The following PRKAR1B variants were observed in gnomAD, a reference collection of about 807,000 sequenced individuals.
PRKAR1B encodes the protein protein kinase cAMP-dependent type I regulatory subunit beta, also known as cAMP-dependent protein kinase type I-beta regulatory subunit.
A neutral mutation model predicts 46.5 loss-of-function variants in PRKAR1B; 22 were observed. That is an observed-to-expected ratio of 0.47 (90% CI 0.34 to 0.68). The LOEUF (loss-of-function observed/expected upper bound fraction) is 0.68, where lower values mean the gene tolerates loss of function less well. Among genes scored for constraint, PRKAR1B ranks in the 30% least tolerant of loss-of-function variants. The pLI, the probability that PRKAR1B is intolerant of heterozygous loss-of-function variation, is 0.01. For missense variants in PRKAR1B, 445 were observed against 535.6 expected (o/e 0.83, Z 1.67); for synonymous variants, 259 against 217.7 (o/e 1.19, Z -1.67).
At chr7:580,096 T>C (rs1040355844) in intron 8 of PRKAR1B, among the ~76,000 whole-genome samples, 2 of 151,524 alleles carry the variant, frequency 1.3e-5, no homozygotes, top group Non-Finnish European at 2.9e-5. Flanking sequence ...CCAGGCGTGG[T>C]GGTGTACACC....
chr7:569,613 T>C (rs916265699), intron 9 of PRKAR1B, among the ~76,000 whole-genome samples: 1 of 152,082 alleles, frequency 6.6e-6, no homozygotes, highest in African/African-American at 2.4e-5. Context: ...ACAAGAGGGA[T>C]GTGGGTCAGA....
At chr7:688,854 G>A (rs1779250816) in intron 2 of PRKAR1B, among the ~76,000 whole-genome samples, 1 of 152,192 alleles carries the variant, frequency 6.6e-6, no homozygotes, top group East Asian at 1.9e-4. Flanking sequence ...AATACTGCCT[G>A]GGCTTGATTC....
intron 4 of PRKAR1B, among the ~76,000 whole-genome samples, chr7:672,490 T>A (rs986538299): frequency 4.0e-5 from 6 of 151,646 alleles, no homozygotes; most frequent in African/African-American, 1.5e-4. Context: ...AAAGCTGTGC[T>A]CCACCCACCG....
At chr7:585,670 A>G (rs1780554732) in intron 7 of PRKAR1B, among the ~76,000 whole-genome samples, 1 of 152,096 alleles carries the variant, frequency 6.6e-6, no homozygotes, top group Admixed American at 6.5e-5. Flanking sequence ...TCTTGGACAC[A>G]CTGACCCACA....
chr7:673,678 TCA>T (rs1407684524), intron 4 of PRKAR1B, among the ~76,000 whole-genome samples: 1 of 152,038 alleles, frequency 6.6e-6, no homozygotes, highest in Non-Finnish European at 1.5e-5. Flanking sequence ...CTTCAGCTCT[TCA>T]GTATCTGACT....
At chr7:580,708 A>C (rs997727357) in intron 8 of PRKAR1B, among the ~76,000 whole-genome samples, 24 of 151,568 alleles carry the variant, frequency 1.6e-4, no homozygotes, top group African/African-American at 4.6e-4. Context: ...TTTTATAAGA[A>C]AATAATGATC....
intron 7 of PRKAR1B, among the ~76,000 whole-genome samples, chr7:587,988 G>T (rs13229710): frequency 0.56 from 84,794 of 151,946 alleles, 24,503 homozygotes; most frequent in East Asian, 0.84. Flanking sequence ...AGGCCGGGTT[G>T]TTTCCACAGT....
At chr7:711,189 G>A in intron 2 of PRKAR1B, 140 bp downstream of exon 2, 1 of 1,215,856 alleles carries the variant, frequency 8.2e-7, no homozygotes, top group Admixed American at 2.4e-5. Flanking sequence ...CCGCGCTTCT[G>A]GAAGGACCTG....
chr7:618,828 T>C (rs1263711897), intron 4 of PRKAR1B, among the ~76,000 whole-genome samples: 3 of 152,228 alleles, frequency 2.0e-5, no homozygotes, highest in Non-Finnish European at 4.4e-5. Context: ...CGGGTTTAGA[T>C]ATTGCAACTA....
At chr7:631,682 G>A (rs867956815) in intron 4 of PRKAR1B, among the ~76,000 whole-genome samples, 8 of 152,140 alleles carry the variant, frequency 5.3e-5, no homozygotes, top group Admixed American at 2.0e-4. Flanking sequence ...TGCCAGACGC[G>A]GTGCCTCATG....
chr7:560,166 T>C lies in PRKAR1B; in HGVS notation c.892-8696A>G, dbSNP rs989686148. On this transcript the variant is annotated intron_variant, in intron 9 of 10. Transcript: ENST00000537384. The surrounding 1 kb of genome is among the most constrained non-coding windows in gnomAD (Gnocchi z 4.2). The stretch of plus-strand genomic sequence containing the variant: ...ATCATGGCATGGGGTGACGGTTTTA[T>C]AAGGGGCTTTCCCCGCTTTGTTCAG... Among the ~76,000 whole-genome samples, 1 of 152,248 alleles carries C rather than the reference T, an allele frequency of 6.6e-6. No individual in the cohort carries two copies. The highest frequency in any genetic ancestry group is 2.4e-5 in the African/African-American group (1 of 41,546).
chr7:670,352 A>T (rs1188694414), intron 4 of PRKAR1B, among the ~76,000 whole-genome samples: 1 of 152,196 alleles, frequency 6.6e-6, no homozygotes, highest in African/African-American at 2.4e-5. Context: ...TCCATGGCCC[A>T]TGCTCACCTG....
At chr7:649,799 G>A (rs1045012351) in intron 4 of PRKAR1B, among the ~76,000 whole-genome samples, 1 of 151,666 alleles carries the variant, frequency 6.6e-6, no homozygotes, top group African/African-American at 2.4e-5. Flanking sequence ...GTCCTGGACT[G>A]AAGCGATCCC....
chr7:644,975 C>T lies in PRKAR1B; in HGVS notation c.440+32254G>A, dbSNP rs893708507. Among the ~76,000 whole-genome samples, 2 of 152,202 alleles carry T rather than the reference C, an allele frequency of 1.3e-5. No homozygotes were observed. The highest frequency in any genetic ancestry group is 4.8e-5 in the African/African-American group (2 of 41,450). On this transcript the variant is annotated intron_variant, in intron 4 of 10. Coordinates refer to ENST00000537384, the MANE Select transcript of PRKAR1B (RefSeq NM_001164760.2). The surrounding 1 kb of genome is among the most constrained non-coding windows in gnomAD (Gnocchi z 4.9). ...GACAAGCCTCTTCTCCGCAATGAGC[C>T]GTCTCTTCAGCCTCTATAAATAAGG...
chr7:550,706 G>C (rs934178404), intron 10 of PRKAR1B, 104 bp from the exon 11 acceptor site: 3 of 927,608 alleles, frequency 3.2e-6, no homozygotes, highest in Admixed American at 3.1e-5. Flanking sequence ...TTTAAGGATA[G>C]GATGTGCCAG....
chr7:634,212 G>A (rs896628829), intron 4 of PRKAR1B, among the ~76,000 whole-genome samples: 2 of 151,900 alleles, frequency 1.3e-5, no homozygotes, highest in Non-Finnish European at 2.9e-5. Flanking sequence ...TAGTAGAGAC[G>A]GGGTTTCAAA....
rs375097586 is a variant in PRKAR1B, at chr7:596,132, G to T, written c.708+14C>A. Reference sequence around the variant, plus strand: ...GTGGGTGTTGGCCTTCTCTGTGCTTGGGCACCAACTCACCATAAGGATGCG... The same window carrying T: ...GTGGGTGTTGGCCTTCTCTGTGCTTTGGCACCAACTCACCATAAGGATGCG... On this transcript the variant is annotated intron_variant, in intron 7 of 10. Transcript: ENST00000537384. The T allele has an allele frequency of 1.2e-6, 2 of 1,608,234 alleles. No homozygotes were observed. Among genetic ancestry groups the T allele is most frequent in the East Asian group, 4.5e-5 (2 of 44,716 alleles).
At chr7:698,037 GGGGAGGGAAGGGAAGGGAA>G (rs1306328315) in intron 2 of PRKAR1B, among the ~76,000 whole-genome samples, 40 of 67,576 alleles carry the variant, frequency 5.9e-4, no homozygotes, top group African/African-American at 2.1e-3. Flanking sequence ...GGGGAGGGGA[GGGGAGGGAAGGGAAGGGAA>G]GGGAGGGGAG....
chr7:598,417 A>T (rs1381831391), intron 6 of PRKAR1B, among the ~76,000 whole-genome samples: 1 of 98,740 alleles, frequency 1.0e-5, no homozygotes, highest in African/African-American at 3.6e-5. Flanking sequence ...CACCCTCCAC[A>T]CTAAACACCA....
Sources: gnomAD v4.1 joint callset for allele counts (sites outside exome capture counted in the v4.1 genomes callset) on GRCh38, gnomAD v4.1.1 for gene constraint, Gnocchi (gnomAD v3.1) non-coding constraint, MANE v1.5 for transcripts, NCBI Gene and HGNC (gene_info 2026-07-23, HGNC 2026-07-21) for gene names.